The following JCAD variants were observed in gnomAD, a reference collection of about 807,000 sequenced individuals.
JCAD encodes junctional cadherin 5 associated.
JCAD carries 40 observed loss-of-function variants against 98.0 expected under a neutral mutation model. The ratio of observed to expected loss-of-function variants is 0.41; its 90% CI spans 0.32 to 0.53. The LOEUF is 0.53. Among genes scored for constraint, JCAD ranks in the 20% least tolerant of loss-of-function variants. The pLI, the probability that JCAD is intolerant of heterozygous loss-of-function variation, is 0.31. For missense variants in JCAD, 1,705 were observed against 1,738.1 expected, an observed-to-expected ratio of 0.98 and a Z score of 0.34; for synonymous variants, 691 against 682.3, an observed-to-expected ratio of 1.01 and a Z score of -0.20.
At chr10:30,070,697 G>GC (rs1837869745) in intron 1 of JCAD, among the ~76,000 whole-genome samples, 1 of 152,118 alleles carries the variant, frequency 6.6e-6, no homozygotes, top group African/African-American at 2.4e-5. Flanking sequence ...TACAGCATAT[G>GC]CCGGAGCCAC....
chr10:30,093,779 C>T (rs998678326), intron 1 of JCAD, among the ~76,000 whole-genome samples: 4 of 152,020 alleles, frequency 2.6e-5, no homozygotes, highest in South Asian at 2.1e-4. Context: ...AAGAGAGTCA[C>T]GGGAATCCCG....
At position 30,027,497 on chromosome 10, in the gene JCAD, T is replaced by A. The variant is rs773256833; in HGVS notation, c.2651A>T (p.Asn884Ile). The change falls in exon 3 of 4, where the codon AAC becomes ATC. Residue 884 changes from asparagine (N) to isoleucine (I), a missense_variant. Asn to Ile is a moderately radical substitution (Grantham distance 149). This residue lies in a region of JCAD where 1,278 missense variants were observed against 1,243.1 expected (regional missense o/e 1.03). Coordinates refer to ENST00000375377, the MANE Select transcript of JCAD (RefSeq NM_020848.4). Reference sequence around the variant, plus strand: ...TGGCTCAACCCTCATTTCCGGGCTGTTTCCGCGGAAGCCCACATCCTCCTG... The same window carrying A: ...TGGCTCAACCCTCATTTCCGGGCTGATTCCGCGGAAGCCCACATCCTCCTG... ...CRQEDVGFRGNSPEMRVEPQP... is the reference protein window; with the variant it reads ...CRQEDVGFRGISPEMRVEPQP... 1 of 1,609,090 alleles carries A rather than the reference T, an allele frequency of 6.2e-7. No homozygotes were observed. Among genetic ancestry groups the A allele is most frequent in the Non-Finnish European group, 8.5e-7 (1 of 1,180,016 alleles).
chr10:30,033,933 T>G (rs1350183052), intron 2 of JCAD, among the ~76,000 whole-genome samples: 1 of 152,192 alleles, frequency 6.6e-6, no homozygotes, highest in East Asian at 1.9e-4. Context: ...CCTCAAACTC[T>G]GTATCCAAGG....
At chr10:30,037,181 C>T (rs997625506) in intron 2 of JCAD, among the ~76,000 whole-genome samples, 2 of 152,326 alleles carry the variant, frequency 1.3e-5, no homozygotes, top group African/African-American at 2.4e-5. Context: ...AGCCATGTTC[C>T]GCTCCAGAAT....
chr10:30,060,284 G>A (rs1411655484), upstream of JCAD, among the ~76,000 whole-genome samples: 1 of 152,238 alleles, frequency 6.6e-6, no homozygotes, highest in Non-Finnish European at 1.5e-5. Context: ...GGCAGAGGAG[G>A]AAACTGATGA....
rs1424127223 is a variant in JCAD at position 30,019,349 on chromosome 10, C to T, written c.4046-1432G>A. Among the ~76,000 whole-genome samples the T allele has an allele frequency of 8.0e-5, 10 of 124,948 alleles. 1 individual carries two copies. Among genetic ancestry groups the T allele is most frequent in the Non-Finnish European group, 3.2e-5 (2 of 62,954 alleles). The allele number at this position is 124,948 out of a possible 152,430, so 82.0% of individuals were successfully genotyped here. A position where few individuals can be genotyped will look rare whatever the true frequency, so the allele number is the denominator to read the frequency against. On this transcript the variant is annotated intron_variant, in intron 3 of 3. Transcript: ENST00000375377. ...TCCAGCCTGGGCAACAAGAGCGAAA[C>T]TCTGTCTCAAAAAAAAAAAAAAAAA...
intron 3 of JCAD, among the ~76,000 whole-genome samples, chr10:30,021,143 T>TG (rs5784169): frequency 0.56 from 85,317 of 152,136 alleles, 26,474 homozygotes; most frequent in African/African-American, 0.85. Context: ...CACAGTCCCC[T>TG]GGCTCTTTCT....
intron 1 of JCAD, among the ~76,000 whole-genome samples, chr10:30,078,233 T>G (rs1838012352): frequency 6.6e-6 from 1 of 152,226 alleles, no homozygotes; most frequent in African/African-American, 2.4e-5. Flanking sequence ...AACCAAACAA[T>G]GTGTGTATGA....
chr10:30,112,871 C>CA (rs57740787), intron 1 of JCAD, among the ~76,000 whole-genome samples: 41,406 of 98,860 alleles, frequency 0.42, 8,681 homozygotes, highest in Non-Finnish European at 0.54. Flanking sequence ...GACTCCATCT[C>CA]AAAAAAAAAA....
intron 2 of JCAD, among the ~76,000 whole-genome samples, chr10:30,032,589 T>G (rs1279278159): frequency 6.6e-6 from 1 of 152,216 alleles, no homozygotes; most frequent in Non-Finnish European, 1.5e-5. Flanking sequence ...CTTTTTAAAT[T>G]ATTACAGTAA....
intron 2 of JCAD, among the ~76,000 whole-genome samples, chr10:30,065,097 A>G (rs556593619): frequency 3.2e-4 from 48 of 152,344 alleles, no homozygotes; most frequent in South Asian, 2.7e-3. Context: ...GGTGGGTACC[A>G]GAGGCCAGGA....
Position 30,017,863 on chromosome 10 carries a change from C to T in JCAD, c.*20G>A. 1 of 1,609,786 alleles carries T rather than the reference C, an allele frequency of 6.2e-7. No individual in the cohort carries two copies. The highest frequency in any genetic ancestry group is 8.5e-7 in the Non-Finnish European group (1 of 1,176,192). On this transcript the variant is annotated 3_prime_UTR_variant, in exon 4 of 4. Transcript: ENST00000375377. ...AGAATACTCAATTCGCAACGGAATG[C>T]AAGCTCCACCGGCATTTCATCACAC...
In JCAD at chr10:30,058,990, A is replaced by T. The variant is rs996183902; in HGVS notation, c.-60+492T>A. Among the ~76,000 whole-genome samples, 22 of 151,912 alleles carry T rather than the reference A, an allele frequency of 1.4e-4. 1 individual carries two copies. In the East Asian group the frequency reaches 3.7e-3, roughly 26 times the overall value. ...CGGCCGGGGCAGCGTGGGAACTGGG[A>T]CCTCGGGGACCCAGCGCGGCGGCTG... On this transcript the variant is annotated intron_variant, in intron 1 of 3. Coordinates refer to ENST00000375377, the MANE Select transcript of JCAD (RefSeq NM_020848.4).
At chr10:30,101,138 G>A (rs1475386037) in intron 1 of JCAD, among the ~76,000 whole-genome samples, 1 of 152,200 alleles carries the variant, frequency 6.6e-6, no homozygotes, top group Non-Finnish European at 1.5e-5. Context: ...GGTTGGGTGC[G>A]ATGGCTCATG....
chr10:30,105,585 A>G (rs956403052), intron 1 of JCAD, among the ~76,000 whole-genome samples: 1 of 152,036 alleles, frequency 6.6e-6, no homozygotes, highest in Admixed American at 6.6e-5. Flanking sequence ...CGGCCTCCCA[A>G]AGTGCTGGAA....
chr10:30,031,961 A>C (rs1349120325), intron 2 of JCAD, among the ~76,000 whole-genome samples: 1 of 146,572 alleles, frequency 6.8e-6, no homozygotes, highest in Non-Finnish European at 1.5e-5. Flanking sequence ...TCACTGTTTT[A>C]GCCGGGATGG....
Position 30,026,564 on chromosome 10 carries a change from G to T in JCAD, c.3584C>A (p.Pro1195His). The T allele has an allele frequency of 6.2e-7, 1 of 1,614,174 alleles. No individual in the cohort carries two copies. The highest frequency in any genetic ancestry group is 8.5e-7 in the Non-Finnish European group (1 of 1,180,038). The change falls in exon 3 of 4, where the codon CCC becomes CAC. Residue 1195 changes from proline to histidine, a missense_variant. Transcript: ENST00000375377. ...TDPVPEPEPS[P>H]LESKFFEQKD... ...TTGTTCGAAGAACTTGGACTCCAAG[G>T]GGCTGGGCTCAGGCTCAGGGACAGG...
chr10:30,072,308 T>G (rs764139764), intron 1 of JCAD, among the ~76,000 whole-genome samples: 4 of 152,252 alleles, frequency 2.6e-5, no homozygotes, highest in African/African-American at 7.2e-5. Flanking sequence ...TCCTCAGTAA[T>G]GTGTATTTAT....
intron 1 of JCAD, among the ~76,000 whole-genome samples, chr10:30,086,443 C>T (rs962242816): frequency 1.2e-4 from 18 of 152,324 alleles, no homozygotes; most frequent in African/African-American, 4.3e-4. Flanking sequence ...CAGCTGCCTA[C>T]AGGATGATGT....
Sources: allele counts gnomAD v4.1 joint callset (sites outside exome capture counted in the v4.1 genomes callset), GRCh38; gene constraint gnomAD v4.1.1; regional missense constraint gnomAD v4.1.1; transcripts MANE v1.5; gene names NCBI Gene and HGNC (gene_info 2026-07-23, HGNC 2026-07-21).